DOK3: variants seen among roughly 807,000 people sequenced by gnomAD.
DOK3 encodes the protein Dok-like protein.
In DOK3, 23 loss-of-function variants were observed where a neutral mutation model predicts 26.2. That is an observed-to-expected ratio of 0.88 (90% CI 0.63 to 1.24). The LOEUF is 1.24. Among genes scored for constraint, DOK3 ranks in the 50% most tolerant of loss-of-function variants. DOK3 has a pLI of 0.00. For missense variants in DOK3, 619 were observed against 610.6 expected, an observed-to-expected ratio of 1.01 and a Z score of -0.15; for synonymous variants, 268 against 268.2, an observed-to-expected ratio of 1.00 and a Z score of 0.01.
intron 5 of DOK3, 27 bp downstream of exon 5, chr5:177,504,716 T>C: frequency 6.2e-7 from 1 of 1,613,890 alleles, no homozygotes; most frequent in Admixed American, 1.7e-5. Flanking sequence ...TGTCAGCCCC[T>C]CACCCTTTCC....
chr5:177,509,284 C>T (rs764683834), intron 2 of DOK3, 191 bp downstream of exon 2: 2 of 651,812 alleles, frequency 3.1e-6, no homozygotes, highest in Non-Finnish European at 5.0e-6. Context: ...CTGGCAGAGC[C>T]TGCTCAGCCC....
chr5:177,508,345 G>C lies in DOK3; in HGVS notation c.264C>G (p.Cys88Trp), dbSNP rs565362873. 1 of 1,599,012 alleles carries C rather than the reference G, an allele frequency of 6.3e-7. No homozygotes were observed. Among genetic ancestry groups the C allele is most frequent in the African/African-American group, 1.3e-5 (1 of 74,986 alleles). The change falls in exon 3 of 6, where the codon TGC becomes TGG. Residue 88 changes from cysteine (C) to tryptophan (W), a missense_variant. Transcript: ENST00000510898. ...VSVLPADGES[C>W]PRDTGAFLLT... ...GCAGGAAGGCACCGGTGTCCCGGGG[G>C]CAGCTCTCGCCGTCAGCCGGCAGCA...
chr5:177,508,157 G>T lies in DOK3; in HGVS notation c.372+80C>A, dbSNP rs1382035938. 6 of 1,377,378 alleles carry T rather than the reference G, an allele frequency of 4.4e-6. No homozygotes were observed. The African/African-American group carries it at 7.3e-5, about 17-fold the overall frequency. The allele number at this position is 1,377,378 out of a possible 1,614,324, so 85.3% of individuals were successfully genotyped here. On this transcript the variant is annotated intron_variant, in intron 3 of 5. Transcript: ENST00000510898. ...GTAGGTGCTCGGTGGAGCTTGCTGG[G>T]TGATGGGATGTGAGCGTGGAGGTGG...
At chr5:177,504,695 AG>A in intron 5 of DOK3, 35 bp from the exon 6 acceptor site, 1 of 1,613,674 alleles carries the variant, frequency 6.2e-7, no homozygotes, top group Non-Finnish European at 8.5e-7. Flanking sequence ...GATTAGCAGG[AG>A]GGTCCAGGGT....
At chr5:177,509,419 G>T in intron 2 of DOK3, 56 bp downstream of exon 2, 1 of 1,562,488 alleles carries the variant, frequency 6.4e-7, no homozygotes, top group Non-Finnish European at 8.6e-7. Flanking sequence ...GGCAGAGGCT[G>T]CATTCTCCAC....
At chr5:177,508,818 A>G (rs985451106) in intron 2 of DOK3, 1 of 392,586 alleles carries the variant, frequency 2.5e-6, no homozygotes, top group Middle Eastern at 6.5e-4. Flanking sequence ...CTACTGGGTC[A>G]TGTTTGTAAA....
chr5:177,510,270 C>G, upstream of DOK3: 1 of 241,194 alleles, frequency 4.1e-6, no homozygotes, highest in South Asian at 6.7e-5. Flanking sequence ...CACTGTGCTG[C>G]CTGGGGCGGT....
rs769815790 is a variant in DOK3 at position 177,504,807 on chromosome 5, G to A, written c.581C>T (p.Ala194Val). Residue 194 changes from alanine (A) to valine (V), a missense_variant, in exon 5 of 6, where the codon GCC (alanine) becomes GTC (valine). Physicochemically the swap from Ala to Val is moderately conservative, Grantham distance 64. Transcript: ENST00000510898. ...LGPDAIQLRE[A>V]KGTQALYSWP... ...GCTGTAGAGGGCCTGGGTGCCCTTG[G>A]CCTCCCTCAGCTGGATGGCGTCTGG... The A allele has an allele frequency of 6.2e-7, 1 of 1,613,886 alleles. No homozygotes were observed. The highest frequency in any genetic ancestry group is 1.7e-5 in the Admixed American group (1 of 60,008).
intron 3 of DOK3, among the ~76,000 whole-genome samples, chr5:177,506,335 T>TTTG (rs1236026526): frequency 6.6e-6 from 1 of 150,500 alleles, no homozygotes; most frequent in African/African-American, 2.4e-5. Flanking sequence ...CATCTTACTT[T>TTTG]TTTTTTTTTT....
At chr5:177,506,804 C>T (rs1053814371) in intron 3 of DOK3, among the ~76,000 whole-genome samples, 8 of 151,586 alleles carry the variant, frequency 5.3e-5, no homozygotes, top group African/African-American at 1.9e-4. Context: ...TTCTGCCTGC[C>T]TCAGCCTCCC....
chr5:177,506,812 C>T (rs1448989041), intron 3 of DOK3, among the ~76,000 whole-genome samples: 1 of 151,762 alleles, frequency 6.6e-6, no homozygotes, highest in Non-Finnish European at 1.5e-5. Context: ...GCCTCAGCCT[C>T]CCGAGTAGCT....
rs1315576732 is a variant in DOK3 at position 177,508,314 on chromosome 5, T to C, written c.295A>G (p.Thr99Ala). The change falls in exon 3 of 6, where the codon ACC becomes GCC. Residue 99 changes from threonine to alanine, a missense_variant. Physicochemically the swap from Thr to Ala is moderately conservative, Grantham distance 58. Coordinates refer to ENST00000510898, the MANE Select transcript of DOK3 (RefSeq NM_001308236.3). Reference sequence around the variant, plus strand: ...GCCAGTAGATGGCTTCGCTCGGTGGTGGTGAGCAGGAAGGCACCGGTGTCC... The same window carrying C: ...GCCAGTAGATGGCTTCGCTCGGTGGCGGTGAGCAGGAAGGCACCGGTGTCC... Reference protein sequence around the residue: ...PRDTGAFLLTTTERSHLLAAQ... With the variant: ...PRDTGAFLLTATERSHLLAAQ... The C allele has an allele frequency of 3.1e-6, 5 of 1,589,094 alleles. No homozygotes were observed. Among genetic ancestry groups the C allele is most frequent in the Non-Finnish European group, 4.3e-6 (5 of 1,172,172 alleles).
At position 177,504,662 on chromosome 5, in the gene DOK3, T is replaced by G; in HGVS notation, c.646-2A>C. ...GCCGGCCTCAAAGGAGAACACGCCCTGGGCACAGGGCACACGGGTGGGGAT... is the reference window on the plus strand; with the variant it reads ...GCCGGCCTCAAAGGAGAACACGCCCGGGGCACAGGGCACACGGGTGGGGAT... On this transcript the variant is annotated splice_acceptor_variant, in intron 5 of 5. Coordinates refer to ENST00000510898, the MANE Select transcript of DOK3 (RefSeq NM_001308236.3). LOFTEE classifies it high-confidence loss of function. The G allele has an allele frequency of 6.2e-7, 1 of 1,613,276 alleles. No individual in the cohort carries two copies. The highest frequency in any genetic ancestry group is 2.2e-5 in the East Asian group (1 of 44,876).
At chr5:177,509,933 G>A, upstream of DOK3, 3 of 1,564,194 alleles carry the variant, frequency 1.9e-6, no homozygotes, top group South Asian at 2.3e-5. Flanking sequence ...CTCCACCCAG[G>A]ACCCTTCTCT....
Sources: gnomAD v4.1 joint callset for allele counts (sites outside exome capture counted in the v4.1 genomes callset) on GRCh38, gnomAD v4.1.1 for gene constraint, MANE v1.5 for transcripts, NCBI Gene and HGNC (gene_info 2026-07-23, HGNC 2026-07-21) for gene names.